Variants in FHIT observed in about 807,000 individuals in gnomAD.
The protein encoded by FHIT is fragile histidine triad diadenosine triphosphatase.
In FHIT, 19 loss-of-function variants were observed where a neutral mutation model predicts 17.9. The ratio of observed to expected loss-of-function variants is 1.06; its 90% CI spans 0.74 to 1.56. FHIT has a LOEUF of 1.56. FHIT is among the 40% of genes most tolerant of loss of function. The probability of loss-of-function intolerance (pLI) is 0.00; values close to 1 mark genes in which losing one functional copy is unlikely to be tolerated. For synonymous variants in FHIT, 81 were observed against 69.7 expected, an observed-to-expected ratio of 1.16 and a Z score of -0.81; for missense variants, 248 against 189.2, an observed-to-expected ratio of 1.31 and a Z score of -1.82.
intron 3 of FHIT, among the ~76,000 whole-genome samples, chr3:60,917,100 C>T (rs1707044131): frequency 6.6e-6 from 1 of 152,106 alleles, no homozygotes; most frequent in Admixed American, 6.6e-5. Flanking sequence ...TCAAAAACAA[C>T]TGTATATGAA....
chr3:60,488,624 T>C (rs902858030), intron 5 of FHIT, among the ~76,000 whole-genome samples: 1 of 152,148 alleles, frequency 6.6e-6, no homozygotes, highest in African/African-American at 2.4e-5. Flanking sequence ...GCAATAGCTA[T>C]GTACAATAGA....
At chr3:60,699,637 T>G in intron 4 of FHIT, among the ~76,000 whole-genome samples, 1 of 139,528 alleles carries the variant, frequency 7.2e-6, no homozygotes, top group South Asian at 2.2e-4. Flanking sequence ...CATGTATACA[T>G]ATGTAACTAA....
intron 5 of FHIT, among the ~76,000 whole-genome samples, chr3:60,179,107 G>A (rs775257852): frequency 4.7e-4 from 72 of 152,176 alleles, no homozygotes; most frequent in Non-Finnish European, 9.3e-4. Flanking sequence ...GGCAGCAAAA[G>A]AAGTGAGAAA....
chr3:60,254,756 C>T (rs1161986120), intron 5 of FHIT, among the ~76,000 whole-genome samples: 1 of 152,062 alleles, frequency 6.6e-6, no homozygotes, highest in East Asian at 1.9e-4. Context: ...ATACCAAAGC[C>T]TTATATGAGA....
intron 7 of FHIT, among the ~76,000 whole-genome samples, chr3:59,957,887 AGACAT>A (rs1707481520): frequency 6.6e-6 from 1 of 152,234 alleles, no homozygotes; most frequent in Non-Finnish European, 1.5e-5. Context: ...AATATTTCTC[AGACAT>A]GACAGCAAAA....
intron 7 of FHIT, among the ~76,000 whole-genome samples, chr3:59,985,196 C>G (rs1011660496): frequency 8.5e-5 from 13 of 152,068 alleles, no homozygotes; most frequent in Admixed American, 5.2e-4. Context: ...ATTTGCCCAT[C>G]TGGGGATTGA....
intron 3 of FHIT, among the ~76,000 whole-genome samples, chr3:60,967,151 C>T (rs991934815): frequency 1.4e-4 from 22 of 152,122 alleles, no homozygotes; most frequent in African/African-American, 4.8e-4. Context: ...TATTCACCTC[C>T]TCAGCCATTT....
rs779587875 is a variant in FHIT at position 60,014,149 on chromosome 3, A to G, written c.107T>C (p.Val36Ala). 1.2e-6 allele frequency: 2 copies of G among 1,614,010 alleles called. No homozygotes were observed. The highest frequency in any genetic ancestry group is 8.5e-7 in the Non-Finnish European group (1 of 1,179,950). Residue 36 changes from valine (V) to alanine (A), a missense_variant, in exon 6 of 10, where the codon GTC (valine) becomes GCC (alanine). Transcript: ENST00000492590. ...VNRKPVVPGH[V>A]LVCPLRPVER... ...CACTGGCCGCAGCGGGCACACAAGG[A>G]CATCTGTAGCAAGGTCTGTTAAGGC... is the stretch of plus-strand genomic sequence containing the variant.
chr3:60,688,461 C>T (rs376782109), intron 4 of FHIT, among the ~76,000 whole-genome samples: 14 of 143,564 alleles, frequency 9.8e-5, no homozygotes, highest in African/African-American at 2.1e-4. Flanking sequence ...GACAGAGTTT[C>T]GCTCTTACTG....
intron 5 of FHIT, among the ~76,000 whole-genome samples, chr3:60,312,172 G>T (rs182526301): frequency 5.3e-4 from 81 of 152,152 alleles, no homozygotes; most frequent in Non-Finnish European, 9.9e-4. Flanking sequence ...TAAGATGGGG[G>T]TAGCCCAGGC....
chr3:60,586,596 G>A (rs1401237944), intron 4 of FHIT, among the ~76,000 whole-genome samples: 1 of 151,918 alleles, frequency 6.6e-6, no homozygotes, highest in African/African-American at 2.4e-5. Context: ...CAACCTAAAT[G>A]CCCAGCAATG....
intron 5 of FHIT, among the ~76,000 whole-genome samples, chr3:60,099,669 T>A (rs187259924): frequency 6.6e-6 from 1 of 152,344 alleles, no homozygotes; most frequent in Admixed American, 6.5e-5. Context: ...ATTTACATAC[T>A]TTTTTCATCT....
At chr3:60,329,556 T>A (rs1259450673) in intron 5 of FHIT, among the ~76,000 whole-genome samples, 1 of 152,212 alleles carries the variant, frequency 6.6e-6, no homozygotes, top group African/African-American at 2.4e-5. Context: ...TTTTTAACTG[T>A]GGAACAATCT....
At chr3:59,790,995 T>A (rs1371232714) in intron 8 of FHIT, among the ~76,000 whole-genome samples, 1 of 152,222 alleles carries the variant, frequency 6.6e-6, no homozygotes, top group East Asian at 1.9e-4. Context: ...TGGTGAAATG[T>A]CAGCATCTTT....
intron 4 of FHIT, among the ~76,000 whole-genome samples, chr3:60,633,679 G>A (rs781849863): frequency 1.3e-4 from 20 of 152,326 alleles, no homozygotes; most frequent in Non-Finnish European, 1.8e-4. Flanking sequence ...TCGCATTCTA[G>A]AGAGCTGTTA....
intron 5 of FHIT, among the ~76,000 whole-genome samples, chr3:60,260,738 G>T (rs1179375107): frequency 6.6e-6 from 1 of 152,002 alleles, no homozygotes; most frequent in African/African-American, 2.4e-5. Flanking sequence ...GACGAGATAG[G>T]AGGTTGACAC....
intron 8 of FHIT, among the ~76,000 whole-genome samples, chr3:59,868,362 T>G (rs1702754602): frequency 6.6e-6 from 1 of 152,158 alleles, no homozygotes; most frequent in African/African-American, 2.4e-5. Flanking sequence ...TTTCTCCATG[T>G]GACTGTCAGT....
intron 5 of FHIT, among the ~76,000 whole-genome samples, chr3:60,041,890 T>C (rs1453525779): frequency 6.6e-6 from 1 of 152,230 alleles, no homozygotes; most frequent in East Asian, 1.9e-4. Context: ...TTTCCATGAA[T>C]ATCTCAATTT....
intron 4 of FHIT, among the ~76,000 whole-genome samples, chr3:60,538,072 C>CA (rs1390197168): frequency 6.6e-6 from 1 of 152,140 alleles, no homozygotes; most frequent in Non-Finnish European, 1.5e-5. Flanking sequence ...TGGTGTCTAG[C>CA]AGCCTCTAAG....
Sources: allele counts gnomAD v4.1 joint callset (sites outside exome capture counted in the v4.1 genomes callset), GRCh38; gene constraint gnomAD v4.1.1; transcripts MANE v1.5; gene names NCBI Gene and HGNC (gene_info 2026-07-23, HGNC 2026-07-21).